AGO2: variants seen among roughly 807,000 people sequenced by gnomAD.
AGO2 encodes the protein protein argonaute-2.
Under a neutral mutation model 102.3 loss-of-function variants are expected in AGO2, and 5 were observed. That is an observed-to-expected ratio of 0.05 (90% CI 0.03 to 0.10). AGO2 has a LOEUF of 0.10. Ranked by LOEUF, AGO2 falls within the 10% of genes least tolerant of loss-of-function variation. The pLI is 1.00. For missense variants in AGO2, 541 were observed against 1,183.7 expected, an observed-to-expected ratio of 0.46 and a Z score of 7.97; for synonymous variants, 449 against 473.1, an observed-to-expected ratio of 0.95 and a Z score of 0.66.
chr8:140,555,837 G>A (rs2073085004), intron 10 of AGO2, 59 bp downstream of exon 10: 1 of 1,569,220 alleles, frequency 6.4e-7, no homozygotes, highest in Non-Finnish European at 8.6e-7. Context: ...GAACCTGAGA[G>A]GGGTCGCAGG....
chr8:140,585,575 A>G (rs536925164), intron 1 of AGO2, among the ~76,000 whole-genome samples: 1 of 152,312 alleles, frequency 6.6e-6, no homozygotes, highest in African/African-American at 2.4e-5. Context: ...ATGAGGCAGC[A>G]TGAATTACTA....
chr8:140,620,609 A>C (rs2152106982), intron 1 of AGO2, among the ~76,000 whole-genome samples: 1 of 152,326 alleles, frequency 6.6e-6, no homozygotes, highest in Non-Finnish European at 1.5e-5. Context: ...TCATGCCTGT[A>C]ATCCCAGCAC....
chr8:140,623,420 TTCATCCGATG>T (rs1292378971), intron 1 of AGO2, among the ~76,000 whole-genome samples: 2 of 152,072 alleles, frequency 1.3e-5, no homozygotes, highest in African/African-American at 4.8e-5. Flanking sequence ...CTTACAATGG[TTCATCCGATG>T]TCACTGCCAC....
In AGO2 at chr8:140,531,046, C is replaced by T. The variant is rs1226741182; in HGVS notation, c.*998G>A. On this transcript the variant is annotated 3_prime_UTR_variant, in exon 19 of 19. Transcript: ENST00000220592. The stretch of plus-strand genomic sequence containing the variant: ...AATTGCATATTCCTGTCCTTAAGCA[C>T]TAAGAACTGAGAGGCGGTCCCATCT... 1.3e-5 allele frequency: 2 copies of T among 152,278 alleles called. No homozygotes were observed. The highest frequency in any genetic ancestry group is 4.8e-5 in the African/African-American group (2 of 41,422). 9.4% of individuals were successfully genotyped at this position (152,278 alleles called of 1,614,324 possible). A position where few individuals can be genotyped will look rare whatever the true frequency, so the allele number is the denominator to read the frequency against.
chr8:140,640,622 C>T (rs1296000328), upstream of AGO2, among the ~76,000 whole-genome samples: 3 of 151,922 alleles, frequency 2.0e-5, no homozygotes, highest in South Asian at 2.1e-4. Context: ...CGGGTTCAAG[C>T]GATTCTCCTA....
intron 1 of AGO2, among the ~76,000 whole-genome samples, chr8:140,629,503 T>C (rs73713202): frequency 0.034 from 5,177 of 152,200 alleles, 292 homozygotes; most frequent in African/African-American, 0.12. Flanking sequence ...GCTGCAGTTC[T>C]GACCAGACTC....
chr8:140,535,133 AC>A (rs2072673306), intron 17 of AGO2, among the ~76,000 whole-genome samples: 1 of 151,962 alleles, frequency 6.6e-6, no homozygotes, highest in African/African-American at 2.4e-5. Flanking sequence ...TCCAGCTTCC[AC>A]CCCATGGCAG....
rs2072408811 is a variant in AGO2, at chr8:140,520,994, A to C, written c.*11050T>G. The C allele has an allele frequency of 6.6e-6, 1 of 152,170 alleles. No individual in the cohort carries two copies. Among genetic ancestry groups the C allele is most frequent in the African/African-American group, 2.4e-5 (1 of 41,428 alleles). The allele number at this position is 152,170 out of a possible 1,614,324, so 9.4% of individuals were successfully genotyped here. ...GAGTAATTTTTAAATTTCTTTCAACAGTCTATTGGGGTCCAAAAAGCATAT... is the reference window on the plus strand; with the variant it reads ...GAGTAATTTTTAAATTTCTTTCAACCGTCTATTGGGGTCCAAAAAGCATAT... On this transcript the variant is annotated 3_prime_UTR_variant, in exon 19 of 19. Transcript: ENST00000220592.
chr8:140,557,273 C>T lies in AGO2; in HGVS notation c.879-37G>A. 1.9e-6 allele frequency: 3 copies of T among 1,578,230 alleles called. No individual in the cohort carries two copies. Among genetic ancestry groups the T allele is most frequent in the Non-Finnish European group, 2.6e-6 (3 of 1,160,782 alleles). ...AGGGGCTGTTCAGGCCGAGGGCATC[C>T]CGGAGCCCCTTCCCCTGCGCTGCTT... On this transcript the variant is annotated intron_variant, in intron 7 of 18. Transcript: ENST00000220592. This position sits in a 1 kb window ranked among gnomAD's most constrained non-coding sequence, Gnocchi z 5.9.
intron 1 of AGO2, chr8:140,593,189 A>C (rs1177751595): frequency 6.6e-6 from 1 of 151,458 alleles, no homozygotes; most frequent in Non-Finnish European, 1.5e-5. Flanking sequence ...GTATCAATAA[A>C]AATAGACCAA....
At chr8:140,593,863 G>T (rs180890200) in intron 1 of AGO2, among the ~76,000 whole-genome samples, 1 of 152,238 alleles carries the variant, frequency 6.6e-6, no homozygotes, top group African/African-American at 2.4e-5. Flanking sequence ...CACAAGCCTT[G>T]CCACCAAGCC....
chr8:140,617,925 T>C (rs570131359), intron 1 of AGO2, among the ~76,000 whole-genome samples: 1 of 151,948 alleles, frequency 6.6e-6, no homozygotes, highest in African/African-American at 2.4e-5. Flanking sequence ...GCAGGATTGC[T>C]CGAGCCTGGG....
At chr8:140,597,466 GCCCCCC>G (rs201167667) in intron 1 of AGO2, among the ~76,000 whole-genome samples, 5 of 48,424 alleles carry the variant, frequency 1.0e-4, no homozygotes, top group Non-Finnish European at 1.7e-4. Context: ...GGGCTGGGTG[GCCCCCC>G]CACCCCCCCC....
In AGO2 at chr8:140,567,164, G is replaced by C. The variant is rs1267200340; in HGVS notation, c.337-4530C>G. Among the ~76,000 whole-genome samples the C allele has an allele frequency of 6.6e-6, 1 of 152,240 alleles. No homozygotes were observed. The highest frequency in any genetic ancestry group is 1.5e-5 in the Non-Finnish European group (1 of 68,040). ...CATTCTAATTTGTAAATGTATTTCAGTCCAGCCTCCGCTTGGCCTGCAGAG... is the reference window on the plus strand; with the variant it reads ...CATTCTAATTTGTAAATGTATTTCACTCCAGCCTCCGCTTGGCCTGCAGAG... On this transcript the variant is annotated intron_variant, in intron 3 of 18. Coordinates refer to ENST00000220592, the MANE Select transcript of AGO2 (RefSeq NM_012154.5). This position sits in a 1 kb window ranked among gnomAD's most constrained non-coding sequence, Gnocchi z 5.0.
chr8:140,640,967 C>T, the AGO2 span, among the ~76,000 whole-genome samples: 1 of 152,128 alleles, frequency 6.6e-6, no homozygotes. Flanking sequence ...GTGTATCCAG[C>T]TTGTAGCATT....
intron 3 of AGO2, among the ~76,000 whole-genome samples, chr8:140,569,500 A>C (rs28609976): frequency 6.6e-6 from 1 of 152,202 alleles, no homozygotes; most frequent in East Asian, 1.9e-4. Flanking sequence ...ATATGTTCCT[A>C]AACAGTGCTC....
chr8:140,637,192 C>A (rs11996715), upstream of AGO2: 64,414 of 152,132 alleles, frequency 0.42, 14,739 homozygotes, highest in Middle Eastern at 0.53. Flanking sequence ...TAGTATTTCA[C>A]GGAAATTTTT....
At chr8:140,614,349 A>T (rs1438473650) in intron 1 of AGO2, among the ~76,000 whole-genome samples, 2 of 152,178 alleles carry the variant, frequency 1.3e-5, no homozygotes, top group African/African-American at 4.8e-5. Flanking sequence ...CAAAGGCAGG[A>T]CTCAAGTCAA....
intron 1 of AGO2, among the ~76,000 whole-genome samples, chr8:140,596,903 G>A (rs1278968994): frequency 8.5e-5 from 13 of 152,174 alleles, no homozygotes; most frequent in Admixed American, 5.2e-4. Flanking sequence ...CCCTGTCCGG[G>A]AGAACTCCCC....
Sources: gnomAD v4.1 joint callset for allele counts (sites outside exome capture counted in the v4.1 genomes callset) on GRCh38, gnomAD v4.1.1 for gene constraint, Gnocchi (gnomAD v3.1) non-coding constraint, MANE v1.5 for transcripts, NCBI Gene and HGNC (gene_info 2026-07-23, HGNC 2026-07-21) for gene names.